The following ADIPOR2 variants were observed in gnomAD, a reference collection of about 807,000 sequenced individuals.
ADIPOR2 encodes the protein adiponectin receptor 2.
In ADIPOR2, 18 loss-of-function variants were observed where a neutral mutation model predicts 40.9. The observed-to-expected ratio is 0.44, with a 90% CI of 0.30 to 0.65. The LOEUF (loss-of-function observed/expected upper bound fraction) is 0.65. Among genes scored for constraint, ADIPOR2 ranks in the 30% least tolerant of loss-of-function variants. ADIPOR2 has a pLI of 0.09. For missense variants in ADIPOR2, 283 were observed against 479.2 expected (o/e 0.59, Z 3.82); for synonymous variants, 165 against 166.4 (o/e 0.99, Z 0.06).
intron 1 of ADIPOR2, among the ~76,000 whole-genome samples, chr12:1,747,027 C>A (rs901098276): frequency 6.6e-6 from 1 of 150,844 alleles, no homozygotes; most frequent in African/African-American, 2.5e-5. Context: ...AGAGTAAGAC[C>A]TTGTCTCCCC....
intron 1 of ADIPOR2, among the ~76,000 whole-genome samples, chr12:1,699,631 A>G (rs995378633): frequency 6.6e-6 from 1 of 152,246 alleles, no homozygotes; most frequent in Non-Finnish European, 1.5e-5. Flanking sequence ...AGCCTGGGCA[A>G]CAAGAGCGAA....
intron 2 of ADIPOR2, chr12:1,761,033 A>T (rs1393708432): frequency 2.6e-5 from 4 of 152,160 alleles, no homozygotes; most frequent in Non-Finnish European, 5.9e-5. Context: ...ATATTCACAT[A>T]ACTTTTTTTT....
At chr12:1,750,335 G>T (rs1251808947) in intron 1 of ADIPOR2, among the ~76,000 whole-genome samples, 1 of 151,228 alleles carries the variant, frequency 6.6e-6, no homozygotes, top group Non-Finnish European at 1.5e-5. Flanking sequence ...AACGTGAGAG[G>T]ATCACTTGAG....
At chr12:1,757,670 G>A in intron 2 of ADIPOR2, 1 of 1,296,886 alleles carries the variant, frequency 7.7e-7, no homozygotes, top group South Asian at 1.2e-5. Context: ...GCCTCCTCAG[G>A]TGTAATAGGA....
chr12:1,755,237 G>A (rs540552118), intron 2 of ADIPOR2, among the ~76,000 whole-genome samples: 36 of 151,920 alleles, frequency 2.4e-4, no homozygotes, highest in African/African-American at 8.5e-4. Flanking sequence ...CTGCCACCAC[G>A]CCTGGCTACT....
intron 2 of ADIPOR2, chr12:1,760,946 GC>G (rs1862254699): frequency 6.6e-6 from 1 of 152,164 alleles, no homozygotes; most frequent in African/African-American, 2.4e-5. Context: ...TTACTTAGTA[GC>G]CTTCTGGTTA....
intron 3 of ADIPOR2, among the ~76,000 whole-genome samples, chr12:1,777,374 T>TTTTC (rs1272717155): frequency 1.7e-3 from 192 of 111,972 alleles, no homozygotes; most frequent in Middle Eastern, 0.014. Context: ...AAAGTATATT[T>TTTTC]TTTCTTTCTT....
intron 1 of ADIPOR2, among the ~76,000 whole-genome samples, chr12:1,728,839 T>C (rs921675984): frequency 8.5e-5 from 13 of 152,174 alleles, no homozygotes; most frequent in Admixed American, 1.3e-4. Flanking sequence ...AATGAACTCT[T>C]CTGATTTACA....
At chr12:1,712,137 A>C (rs1361744464) in intron 1 of ADIPOR2, among the ~76,000 whole-genome samples, 1 of 152,036 alleles carries the variant, frequency 6.6e-6, no homozygotes, top group East Asian at 1.9e-4. Context: ...CCATCAGTGT[A>C]TAGGTTAAGG....
intron 2 of ADIPOR2, 36 bp from the exon 3 acceptor site, chr12:1,772,806 T>C: frequency 1.3e-6 from 2 of 1,564,512 alleles, no homozygotes; most frequent in Non-Finnish European, 1.7e-6. Context: ...TGGCTCCCAG[T>C]CTCTGTCCTT....
intron 1 of ADIPOR2, among the ~76,000 whole-genome samples, chr12:1,745,830 T>A (rs1164945081): frequency 6.6e-6 from 1 of 152,136 alleles, no homozygotes; most frequent in African/African-American, 2.4e-5. Flanking sequence ...CTACATCTTG[T>A]TCAGATGTGT....
chr12:1,700,094 C>T (rs960369787), intron 1 of ADIPOR2, among the ~76,000 whole-genome samples: 1 of 152,204 alleles, frequency 6.6e-6, no homozygotes, highest in Non-Finnish European at 1.5e-5. Context: ...GATCATATTA[C>T]ACATTCTTAC....
chr12:1,759,958 G>A (rs2154443749), intron 2 of ADIPOR2, among the ~76,000 whole-genome samples: 1 of 152,062 alleles, frequency 6.6e-6, no homozygotes, highest in East Asian at 1.9e-4. Flanking sequence ...CCCAGGAGGT[G>A]GAGGTTGCAG....
At chr12:1,717,911 A>AT (rs2094690847) in intron 1 of ADIPOR2, among the ~76,000 whole-genome samples, 1 of 152,110 alleles carries the variant, frequency 6.6e-6, no homozygotes, top group African/African-American at 2.4e-5. Flanking sequence ...TATAATAAGT[A>AT]TTTTTTAAAT....
chr12:1,743,229 C>CG (rs2094746792), intron 1 of ADIPOR2, among the ~76,000 whole-genome samples: 1 of 55,276 alleles, frequency 1.8e-5, no homozygotes, highest in Admixed American at 2.5e-4. Flanking sequence ...CCATCTCTAC[C>CG]AAAAAAAAAA....
At chr12:1,695,639 G>A (rs2094637068) in intron 1 of ADIPOR2, among the ~76,000 whole-genome samples, 1 of 142,648 alleles carries the variant, frequency 7.0e-6, no homozygotes, top group Non-Finnish European at 1.5e-5. Context: ...CTCTAGCCTG[G>A]GCAACAGGAG....
At chr12:1,768,403 C>A (rs1003457251) in intron 2 of ADIPOR2, among the ~76,000 whole-genome samples, 1 of 152,152 alleles carries the variant, frequency 6.6e-6, no homozygotes, top group African/African-American at 2.4e-5. Context: ...TTCATGCAGG[C>A]TTTCCTGAGC....
In ADIPOR2 at chr12:1,780,744, T is replaced by C. The variant is rs895734056; in HGVS notation, c.650+107T>C. On this transcript the variant is annotated intron_variant, in intron 5 of 7. Coordinates refer to ENST00000357103, the MANE Select transcript of ADIPOR2 (RefSeq NM_024551.3). ...ATTCTTAATATCATCTCATGCAAAC[T>C]TTTTTTTTTTTAAAAATTAAAGAGC... The C allele has an allele frequency of 6.7e-6, 7 of 1,051,706 alleles. No individual in the cohort carries two copies. The African/African-American group carries it at 1.0e-4, about 15-fold the overall frequency. 65.1% of individuals were successfully genotyped at this position (1,051,706 alleles called of 1,614,324 possible).
At chr12:1,754,567 CAGAG>C in intron 2 of ADIPOR2, 53 bp downstream of exon 2, 1 of 1,524,398 alleles carries the variant, frequency 6.6e-7, no homozygotes, top group Non-Finnish European at 8.8e-7. Context: ...GAGGAAGTGG[CAGAG>C]GGAGGATATG....
Sources: allele counts gnomAD v4.1 joint callset (sites outside exome capture counted in the v4.1 genomes callset), GRCh38; gene constraint gnomAD v4.1.1; transcripts MANE v1.5; gene names NCBI Gene and HGNC (gene_info 2026-07-23, HGNC 2026-07-21).